TUBGCP3: variants seen among roughly 807,000 people sequenced by gnomAD.
TUBGCP3 encodes gamma-tubulin complex component 3.
A neutral mutation model predicts 123.1 loss-of-function variants in TUBGCP3; 50 were observed. That is an observed-to-expected ratio of 0.41 (90% CI 0.32 to 0.51). The LOEUF (loss-of-function observed/expected upper bound fraction) is 0.51, where lower values mean the gene tolerates loss of function less well. Ranked by LOEUF, TUBGCP3 falls within the 20% of genes least tolerant of loss-of-function variation. The pLI is 0.36. For missense variants in TUBGCP3, 882 were observed against 1,127.0 expected (o/e 0.78, Z 3.11); for synonymous variants, 405 against 413.9 (o/e 0.98, Z 0.26).
intron 18 of TUBGCP3, 100 bp from the exon 19 acceptor site, chr13:112,504,263 A>T (rs1881129468): frequency 1.4e-6 from 2 of 1,423,284 alleles, no homozygotes; most frequent in Admixed American, 3.8e-5. Context: ...CGAGGCGGGC[A>T]GATCACCTGA....
intron 1 of TUBGCP3, among the ~76,000 whole-genome samples, chr13:112,572,687 T>C (rs1332281859): frequency 2.6e-5 from 4 of 152,134 alleles, no homozygotes; most frequent in Non-Finnish European, 1.5e-5. Flanking sequence ...ACACAACACT[T>C]TTTGATTAAG....
intron 9 of TUBGCP3, 102 bp from the exon 10 acceptor site, chr13:112,547,854 A>G (rs1010073949): frequency 1.4e-5 from 18 of 1,298,916 alleles, no homozygotes; most frequent in Non-Finnish European, 1.7e-5. Flanking sequence ...TATACTCATA[A>G]AAATGAAGCC....
At chr13:112,564,229 T>C (rs887453130) in intron 3 of TUBGCP3, among the ~76,000 whole-genome samples, 2 of 152,084 alleles carry the variant, frequency 1.3e-5, no homozygotes, top group Non-Finnish European at 2.9e-5. Context: ...AATTAAGGAA[T>C]CAAAATGGGC....
the TUBGCP3 span, among the ~76,000 whole-genome samples, chr13:112,595,878 C>CT: frequency 6.6e-6 from 1 of 152,008 alleles, no homozygotes; most frequent in Non-Finnish European, 1.5e-5. Context: ...CCATTTCTCT[C>CT]TTTTTTGTGC....
At chr13:112,520,152 A>G in intron 14 of TUBGCP3, 131 bp from the exon 15 acceptor site, 2 of 725,098 alleles carry the variant, frequency 2.8e-6, no homozygotes, top group Non-Finnish European at 4.2e-6. Context: ...CAATACAATA[A>G]TGCGGCAACA....
In TUBGCP3 at chr13:112,545,801, C is replaced by T. The variant is rs1420827561; in HGVS notation, c.1233G>A (p.Met411Ile). The change falls in exon 11 of 22, where the codon ATG (methionine) becomes ATA (isoleucine). Residue 411 changes from methionine to isoleucine, a missense_variant. This residue lies in a region of TUBGCP3 where 713 missense variants were observed against 874.0 expected (regional missense o/e 0.82). Coordinates refer to ENST00000261965, the MANE Select transcript of TUBGCP3 (RefSeq NM_006322.6). The surrounding 1 kb of genome is among the most constrained non-coding windows in gnomAD (Gnocchi z 4.1). ...HAYTKTGDPYMRSLVQHILSL... is the reference protein window; with the variant it reads ...HAYTKTGDPYIRSLVQHILSL... ...TGAGGATGTGCTGCACCAGAGACCG[C>T]ATGTACGGGTCTCCTGTTTTTGTGT... 2 of 1,614,064 alleles carry T rather than the reference C, an allele frequency of 1.2e-6. No individual in the cohort carries two copies. Among genetic ancestry groups the T allele is most frequent in the African/African-American group, 2.7e-5 (2 of 74,932 alleles).
rs184117616 is a variant in TUBGCP3, at chr13:112,544,280, C to T, written c.1335+1419G>A. Among the ~76,000 whole-genome samples the T allele has an allele frequency of 8.9e-4, 136 of 151,968 alleles. 3 individuals are homozygous for T. The highest frequency in any genetic ancestry group is 3.1e-3 in the African/African-American group (127 of 41,452). ...CATCCTGGCTAACACAGTGAAACCC[C>T]GTCTCTACTAAAAATACAAAAATTA... On this transcript the variant is annotated intron_variant, in intron 11 of 21. Coordinates refer to ENST00000261965, the MANE Select transcript of TUBGCP3 (RefSeq NM_006322.6).
intron 1 of TUBGCP3, among the ~76,000 whole-genome samples, chr13:112,569,585 G>A (rs1360633382): frequency 6.6e-6 from 1 of 152,098 alleles, no homozygotes; most frequent in African/African-American, 2.4e-5. Flanking sequence ...GAGGAGGCCG[G>A]GTCAAGAGAG....
chr13:112,487,029 C>T (rs1333472494), intron 21 of TUBGCP3, among the ~76,000 whole-genome samples: 1 of 151,182 alleles, frequency 6.6e-6, no homozygotes, highest in Non-Finnish European at 1.5e-5. Flanking sequence ...AGTAACTTCA[C>T]CTCTGAGCAG....
intron 11 of TUBGCP3, among the ~76,000 whole-genome samples, chr13:112,544,208 C>CT (rs1878771048): frequency 6.6e-6 from 1 of 152,040 alleles, no homozygotes; most frequent in South Asian, 2.1e-4. Context: ...AATCCCAGCA[C>CT]TTTGGGAGGC....
intron 1 of TUBGCP3, among the ~76,000 whole-genome samples, chr13:112,581,581 G>C (rs918268833): frequency 6.6e-6 from 1 of 151,924 alleles, no homozygotes; most frequent in Non-Finnish European, 1.5e-5. Flanking sequence ...AAGTAGCTGG[G>C]ACTACAGGTA....
In TUBGCP3 at chr13:112,545,809, G is replaced by A. The variant is rs545309352; in HGVS notation, c.1225C>T (p.Pro409Ser). Residue 409 changes from proline (P) to serine (S), a missense_variant, in exon 11 of 22, where the codon CCG becomes TCG. Coordinates refer to ENST00000261965, the MANE Select transcript of TUBGCP3 (RefSeq NM_006322.6). This position sits in a 1 kb window ranked among gnomAD's most constrained non-coding sequence, Gnocchi z 4.1. ...AVHAYTKTGDPYMRSLVQHIL... is the reference protein window; with the variant it reads ...AVHAYTKTGDSYMRSLVQHIL... Reference sequence around the variant, plus strand: ...TGCTGCACCAGAGACCGCATGTACGGGTCTCCTGTTTTTGTGTAGGCGTGG... The same window carrying A: ...TGCTGCACCAGAGACCGCATGTACGAGTCTCCTGTTTTTGTGTAGGCGTGG... The A allele has an allele frequency of 6.2e-6, 10 of 1,614,098 alleles. No homozygotes were observed. The African/African-American group carries it at 1.1e-4, about 17-fold the overall frequency.
In TUBGCP3 at chr13:112,565,197, A is replaced by C. The variant is rs1880860716; in HGVS notation, c.185-19T>G. 1 of 1,609,048 alleles carries C rather than the reference A, an allele frequency of 6.2e-7. No individual in the cohort carries two copies. The highest frequency in any genetic ancestry group is 8.5e-7 in the Non-Finnish European group (1 of 1,178,884). On this transcript the variant is annotated intron_variant, in intron 2 of 21. Coordinates refer to ENST00000261965, the MANE Select transcript of TUBGCP3 (RefSeq NM_006322.6). ...CGAATAACTGAAAAGACAGAAAAAA[A>C]ATAAGTGTGGTAACTACAAACACCA...
intron 20 of TUBGCP3, among the ~76,000 whole-genome samples, chr13:112,490,056 G>A (rs536046607): frequency 1.3e-5 from 2 of 152,234 alleles, no homozygotes; most frequent in African/African-American, 2.4e-5. Context: ...CAGTATGTGT[G>A]AAAGTGGAAC....
intron 1 of TUBGCP3, among the ~76,000 whole-genome samples, chr13:112,577,738 C>T (rs1881940832): frequency 6.6e-6 from 1 of 152,202 alleles, no homozygotes; most frequent in Non-Finnish European, 1.5e-5. Context: ...AGTCTATCAT[C>T]ATTCTAAAAT....
At chr13:112,540,487 T>A (rs1227296208) in intron 11 of TUBGCP3, among the ~76,000 whole-genome samples, 1 of 143,664 alleles carries the variant, frequency 7.0e-6, no homozygotes, top group Non-Finnish European at 1.5e-5. Flanking sequence ...ATTCAGGTGA[T>A]CTTGGGAAAG....
At chr13:112,582,850 G>C (rs899771833) in intron 1 of TUBGCP3, among the ~76,000 whole-genome samples, 3 of 152,184 alleles carry the variant, frequency 2.0e-5, no homozygotes, top group Non-Finnish European at 4.4e-5. Context: ...TTCAATGAAT[G>C]CAAGGGCACA....
At chr13:112,534,389 A>G (rs899246074) in intron 11 of TUBGCP3, among the ~76,000 whole-genome samples, 1 of 152,196 alleles carries the variant, frequency 6.6e-6, no homozygotes, top group Non-Finnish European at 1.5e-5. Flanking sequence ...TACTAAAAGT[A>G]CAAAAAATTA....
chr13:112,593,710 G>T, the TUBGCP3 span, among the ~76,000 whole-genome samples: 3 of 151,976 alleles, frequency 2.0e-5, no homozygotes, highest in Non-Finnish European at 2.9e-5. Context: ...GGCAAACAGT[G>T]ACCTAGAAAA....
Sources: allele counts gnomAD v4.1 joint callset (sites outside exome capture counted in the v4.1 genomes callset), GRCh38; gene constraint gnomAD v4.1.1; regional missense constraint gnomAD v4.1.1; non-coding constraint Gnocchi (gnomAD v3.1); transcripts MANE v1.5; gene names NCBI Gene and HGNC (gene_info 2026-07-23, HGNC 2026-07-21).